PLA2G10: variants seen among roughly 807,000 people sequenced by gnomAD.
PLA2G10 encodes the protein group 10 secretory phospholipase A2.
Under a neutral mutation model 7.9 loss-of-function variants are expected in PLA2G10, and 9 were observed. The ratio of observed to expected loss-of-function variants is 1.14; its 90% confidence interval spans 0.68 to 1.98. PLA2G10 has a LOEUF of 1.98. Ranked by LOEUF, PLA2G10 falls within the 30% of genes most tolerant of loss-of-function variation. The probability of loss-of-function intolerance (pLI) is 0.00; values close to 1 mark genes in which losing one functional copy is unlikely to be tolerated. For synonymous variants in PLA2G10, 19 were observed against 27.5 expected, an observed-to-expected ratio of 0.69 and a Z score of 0.97; for missense variants, 53 against 65.4, an observed-to-expected ratio of 0.81 and a Z score of 0.66.
At chr16:14,684,081 C>A (rs373650236) in intron 3 of PLA2G10, among the ~76,000 whole-genome samples, 2 of 151,908 alleles carry the variant, frequency 1.3e-5, no homozygotes, top group Non-Finnish European at 2.9e-5. Context: ...TTAAAAATGG[C>A]GGGGCGTGGT....
intron 1 of PLA2G10, among the ~76,000 whole-genome samples, chr16:14,693,309 CTGTGTGTGTGTGTGTGTG>C (rs1177221583): frequency 8.2e-5 from 2 of 24,248 alleles, no homozygotes; most frequent in Admixed American, 9.0e-4. Flanking sequence ...CTGTGCTGCT[CTGTGTGTGTGTGTGTGTG>C]TGTGTGTGTG....
rs995585310 is a variant in PLA2G10 at position 14,672,730 on chromosome 16, G to C, written c.375C>G (p.Cys125Trp). ...SVLCGPAENK[C>W]QELLCKCDQE... ...GGTCACACTTGCACAACAGTTCTTG[G>C]CATTTGTTCTCTGCCGGTCCTGGAA... Residue 125 changes from cysteine to tryptophan, a missense_variant, in exon 4 of 4, where the codon TGC becomes TGG. Around this residue, in one of 2 missense-constraint regions of PLA2G10, gnomAD observed 48 missense variants for 47.0 expected, o/e 1.02. Transcript: ENST00000438167. 10 of 1,613,952 alleles carry C rather than the reference G, an allele frequency of 6.2e-6. No homozygotes were observed. Among genetic ancestry groups the C allele is most frequent in the Non-Finnish European group, 7.6e-6 (9 of 1,179,906 alleles).
intron 3 of PLA2G10, among the ~76,000 whole-genome samples, chr16:14,681,267 C>T (rs565578355): frequency 3.3e-5 from 5 of 152,024 alleles, no homozygotes; most frequent in Non-Finnish European, 7.4e-5. Context: ...ATCTCCAATG[C>T]TCACACAACC....
chr16:14,677,841 TGATGGATGGATA>T lies in PLA2G10; in HGVS notation c.356-5104_356-5093del, dbSNP rs1384817575. 1.2e-3 allele frequency among the ~76,000 whole-genome samples: 154 copies of T among 132,592 alleles called. 1 individual carries two copies. Among genetic ancestry groups the T allele is most frequent in the African/African-American group, 4.0e-3 (132 of 32,818 alleles). 87.0% of individuals were successfully genotyped at this position (132,592 alleles called of 152,430 possible). A position where few individuals can be genotyped will look rare whatever the true frequency, so the allele number is the denominator to read the frequency against. On this transcript the variant is annotated intron_variant, in intron 3 of 3. Coordinates refer to ENST00000438167, the MANE Select transcript of PLA2G10 (RefSeq NM_003561.3). Reference sequence around the variant, plus strand: ...GATGGATGGAAATTGGATGGATGGGTGATGGATGGATAGATGGATGGATGGATGGATGGATGG... The same window carrying T: ...GATGGATGGAAATTGGATGGATGGGTGATGGATGGATGGATGGATGGATGG...
At chr16:14,687,441 C>G (rs553779659) in intron 3 of PLA2G10, among the ~76,000 whole-genome samples, 1 of 151,472 alleles carries the variant, frequency 6.6e-6, no homozygotes, top group African/African-American at 2.4e-5. Context: ...GCGATCCTCC[C>G]ACCTCAGCCT....
At chr16:14,684,187 G>A (rs1458477833) in intron 3 of PLA2G10, among the ~76,000 whole-genome samples, 2 of 150,982 alleles carry the variant, frequency 1.3e-5, no homozygotes, top group Non-Finnish European at 2.9e-5. Context: ...GTGAAACCCC[G>A]TCTCTACTAA....
Position 14,672,571 on chromosome 16 carries a change from T to C in PLA2G10, c.*36A>G, listed in dbSNP as rs113572525. 1 of 1,609,362 alleles carries C rather than the reference T, an allele frequency of 6.2e-7. No homozygotes were observed. Among genetic ancestry groups the C allele is most frequent in the Non-Finnish European group, 8.5e-7 (1 of 1,176,610 alleles). On this transcript the variant is annotated 3_prime_UTR_variant, in exon 4 of 4. Coordinates refer to ENST00000438167, the MANE Select transcript of PLA2G10 (RefSeq NM_003561.3). ...TGTTCATTACTGAGAGGACGCTTTA[T>C]TTCCTTGTGCAAAAGAGCATTTCAA...
intron 3 of PLA2G10, among the ~76,000 whole-genome samples, chr16:14,680,101 CTTT>C (rs34700124): frequency 2.9e-5 from 4 of 139,594 alleles, no homozygotes; most frequent in Admixed American, 1.5e-4. Context: ...TTTTGCTTTT[CTTT>C]TTTTTTTTTT....
chr16:14,701,759 G>C, the PLA2G10 span: 22 of 9,950 alleles, frequency 2.2e-3, 1 homozygote, highest in African/African-American at 5.3e-3. Context: ...GTTGGGTGTG[G>C]CGATGCATAC....
intron 3 of PLA2G10, among the ~76,000 whole-genome samples, chr16:14,676,180 A>G (rs1038975332): frequency 6.6e-6 from 1 of 152,256 alleles, no homozygotes; most frequent in African/African-American, 2.4e-5. Flanking sequence ...CAGTTAGCAC[A>G]ACCTCCATGG....
intron 3 of PLA2G10, among the ~76,000 whole-genome samples, chr16:14,683,515 T>A (rs2151852924): frequency 6.6e-6 from 1 of 151,994 alleles, no homozygotes; most frequent in East Asian, 1.9e-4. Context: ...GGATTACAGG[T>A]GTGAGCCACC....
intron 3 of PLA2G10, among the ~76,000 whole-genome samples, chr16:14,676,433 C>T (rs1464498447): frequency 6.6e-6 from 1 of 152,176 alleles, no homozygotes; most frequent in Non-Finnish European, 1.5e-5. Context: ...ATAATGCCAG[C>T]ACTTTGGTAG....
At chr16:14,683,075 A>G (rs1397510606) in intron 3 of PLA2G10, among the ~76,000 whole-genome samples, 2 of 151,852 alleles carry the variant, frequency 1.3e-5, no homozygotes, top group African/African-American at 4.8e-5. Flanking sequence ...TCTCAAAACA[A>G]AAACAAAATC....
At chr16:14,685,702 T>C (rs141808835) in intron 3 of PLA2G10, among the ~76,000 whole-genome samples, 57 of 152,262 alleles carry the variant, frequency 3.7e-4, no homozygotes, top group African/African-American at 1.3e-3. Context: ...TTTGTTGTTG[T>C]TGTTGTTTTT....
chr16:14,681,182 A>G (rs548763053), intron 3 of PLA2G10, among the ~76,000 whole-genome samples: 1 of 147,202 alleles, frequency 6.8e-6, no homozygotes, highest in Non-Finnish European at 1.5e-5. Context: ...GAAAAGAGAA[A>G]AGAAAAGAAA....
chr16:14,682,409 C>T (rs974283594), intron 3 of PLA2G10, among the ~76,000 whole-genome samples: 1 of 151,878 alleles, frequency 6.6e-6, no homozygotes, highest in Non-Finnish European at 1.5e-5. Flanking sequence ...ACTGTCTCTA[C>T]TAAAAATACA....
intron 3 of PLA2G10, among the ~76,000 whole-genome samples, chr16:14,680,886 C>T (rs1479002252): frequency 1.3e-5 from 2 of 151,958 alleles, no homozygotes; most frequent in Non-Finnish European, 1.5e-5. Context: ...CTTAGAAAAG[C>T]CATTCATCCT....
intron 3 of PLA2G10, among the ~76,000 whole-genome samples, chr16:14,673,016 C>CTTTTTT (rs1293093227): frequency 1.3e-3 from 164 of 128,494 alleles, no homozygotes; most frequent in Non-Finnish European, 1.7e-3. Context: ...TTTTTCTTTT[C>CTTTTTT]TTTTTTTTTT....
intron 3 of PLA2G10, among the ~76,000 whole-genome samples, chr16:14,677,624 T>C (rs202124660): frequency 1.3e-5 from 2 of 152,052 alleles, no homozygotes; most frequent in East Asian, 3.9e-4. Context: ...CTTAGCCTCC[T>C]AAATTACAGG....
Sources: gnomAD v4.1 joint callset for allele counts (sites outside exome capture counted in the v4.1 genomes callset) on GRCh38, gnomAD v4.1.1 for gene constraint, gnomAD v4.1.1 regional missense constraint, MANE v1.5 for transcripts, NCBI Gene and HGNC (gene_info 2026-07-23, HGNC 2026-07-21) for gene names.